LRRTM4: variants seen among roughly 807,000 people sequenced by gnomAD.
The protein encoded by LRRTM4 is leucine-rich repeat transmembrane neuronal protein 4.
Under a neutral mutation model 47.6 loss-of-function variants are expected in LRRTM4, and 25 were observed. The ratio of observed to expected loss-of-function variants is 0.53; its 90% confidence interval spans 0.38 to 0.73. The LOEUF (loss-of-function observed/expected upper bound fraction) is 0.73, where lower values mean the gene tolerates loss of function less well. Among genes scored for constraint, LRRTM4 ranks in the 30% least tolerant of loss-of-function variants. LRRTM4 has a pLI of 0.00. For synonymous variants in LRRTM4, 311 were observed against 269.5 expected, an observed-to-expected ratio of 1.15 and a Z score of -1.51; for missense variants, 638 against 713.4, an observed-to-expected ratio of 0.89 and a Z score of 1.20.
At chr2:76,976,936 A>C (rs1676436314) in intron 3 of LRRTM4, among the ~76,000 whole-genome samples, 1 of 151,818 alleles carries the variant, frequency 6.6e-6, no homozygotes, top group Non-Finnish European at 1.5e-5. Flanking sequence ...ATGTGTCGAA[A>C]TATCACTCTA....
At chr2:76,856,149 C>T (rs914644251) in intron 3 of LRRTM4, among the ~76,000 whole-genome samples, 8 of 152,110 alleles carry the variant, frequency 5.3e-5, no homozygotes, top group Admixed American at 2.0e-4. Flanking sequence ...TCGTGGCTGA[C>T]GCCTGTTACC....
intron 3 of LRRTM4, among the ~76,000 whole-genome samples, chr2:77,253,141 T>A (rs1330938091): frequency 1.3e-5 from 2 of 152,116 alleles, no homozygotes. Context: ...CCTAATACAT[T>A]GGCCTTAATA....
chr2:76,750,383 G>A (rs1414587626), intron 3 of LRRTM4, among the ~76,000 whole-genome samples: 1 of 152,128 alleles, frequency 6.6e-6, no homozygotes, highest in East Asian at 1.9e-4. Flanking sequence ...AAGTTGTAGG[G>A]GTGGTAGCTA....
chr2:76,851,673 G>A (rs906186231), intron 3 of LRRTM4, among the ~76,000 whole-genome samples: 5 of 150,898 alleles, frequency 3.3e-5, no homozygotes, highest in African/African-American at 9.7e-5. Context: ...CAGAGTGGGA[G>A]TAGATGATCT....
intron 3 of LRRTM4, among the ~76,000 whole-genome samples, chr2:76,806,985 A>G (rs962796006): frequency 3.3e-5 from 5 of 152,180 alleles, no homozygotes; most frequent in Non-Finnish European, 7.4e-5. Context: ...AAAATTAATG[A>G]GACATCAACA....
intron 3 of LRRTM4, among the ~76,000 whole-genome samples, chr2:77,382,921 C>T (rs537780421): frequency 1.3e-4 from 20 of 152,170 alleles, no homozygotes; most frequent in African/African-American, 4.8e-4. Flanking sequence ...AAAAAACTAA[C>T]TTGAGTGGAG....
chr2:76,847,189 T>G (rs1671860693), intron 3 of LRRTM4, among the ~76,000 whole-genome samples: 1 of 152,120 alleles, frequency 6.6e-6, no homozygotes, highest in Non-Finnish European at 1.5e-5. Flanking sequence ...ATTATATCTT[T>G]TGGTCATTCA....
chr2:76,835,957 C>T (rs542822111), intron 3 of LRRTM4, among the ~76,000 whole-genome samples: 5 of 151,970 alleles, frequency 3.3e-5, no homozygotes, highest in African/African-American at 9.7e-5. Context: ...TCTTGAATTT[C>T]TAAATGATAG....
chr2:76,888,235 G>C lies in LRRTM4; in HGVS notation c.1552-139319C>G, dbSNP rs1355849105. On this transcript the variant is annotated intron_variant, in intron 3 of 3. Transcript: ENST00000409884. ...GAATAACAATGAAATGTAGAAAATA[G>C]CCCTGAAGTTCAATAACAGGAACTA... Among the ~76,000 whole-genome samples, 5 of 150,996 alleles carry C rather than the reference G, an allele frequency of 3.3e-5. No individual in the cohort carries two copies. The East Asian group carries it at 7.8e-4, about 23-fold the overall frequency.
At chr2:77,231,575 A>AT (rs1674966255) in intron 3 of LRRTM4, among the ~76,000 whole-genome samples, 2 of 152,104 alleles carry the variant, frequency 1.3e-5, no homozygotes, top group Admixed American at 6.5e-5. Flanking sequence ...CATAAAGCTT[A>AT]ACAGTTATTA....
chr2:77,083,547 A>G (rs573581563), intron 3 of LRRTM4, among the ~76,000 whole-genome samples: 1 of 152,264 alleles, frequency 6.6e-6, no homozygotes, highest in Non-Finnish European at 1.5e-5. Flanking sequence ...GCTAGTCCTG[A>G]AAATATTAGA....
chr2:76,877,385 T>C (rs943764919), intron 3 of LRRTM4, among the ~76,000 whole-genome samples: 1 of 152,090 alleles, frequency 6.6e-6, no homozygotes, highest in African/African-American at 2.4e-5. Flanking sequence ...AGATTTTTTT[T>C]TTCAGGAATT....
intron 3 of LRRTM4, among the ~76,000 whole-genome samples, chr2:77,457,251 C>CA (rs1401267216): frequency 6.6e-6 from 1 of 151,778 alleles, no homozygotes; most frequent in Non-Finnish European, 1.5e-5. Context: ...CCTCTCACTA[C>CA]AAAATCTGTT....
intron 3 of LRRTM4, among the ~76,000 whole-genome samples, chr2:77,188,095 C>A (rs1256877303): frequency 6.6e-6 from 1 of 152,106 alleles, no homozygotes; most frequent in Admixed American, 6.6e-5. Context: ...TGTTTACTCC[C>A]TGTAACTTTA....
At chr2:77,245,624 T>A (rs531507207) in intron 3 of LRRTM4, among the ~76,000 whole-genome samples, 1 of 31,904 alleles carries the variant, frequency 3.1e-5, no homozygotes, top group South Asian at 6.5e-4. Context: ...CTTTAAACAC[T>A]TTTTTTTTGT....
At chr2:77,398,959 T>C (rs1673824431) in intron 3 of LRRTM4, among the ~76,000 whole-genome samples, 1 of 151,726 alleles carries the variant, frequency 6.6e-6, no homozygotes, top group Non-Finnish European at 1.5e-5. Context: ...AGGGGGAAGG[T>C]AGATACTAAT....
intron 3 of LRRTM4, among the ~76,000 whole-genome samples, chr2:76,997,323 T>C (rs1017262126): frequency 6.7e-6 from 1 of 148,910 alleles, no homozygotes; most frequent in Non-Finnish European, 1.5e-5. Flanking sequence ...TATGTTGGTG[T>C]ACCTACCAGT....
At chr2:77,485,969 G>A (rs909353554) in intron 3 of LRRTM4, among the ~76,000 whole-genome samples, 1 of 151,756 alleles carries the variant, frequency 6.6e-6, no homozygotes, top group Non-Finnish European at 1.5e-5. Flanking sequence ...CAACTCCTGT[G>A]CTCAAGCTAT....
At chr2:77,031,799 T>G (rs1293555776) in intron 3 of LRRTM4, among the ~76,000 whole-genome samples, 1 of 152,130 alleles carries the variant, frequency 6.6e-6, no homozygotes, top group Non-Finnish European at 1.5e-5. Flanking sequence ...TAAATTAATA[T>G]AGTGAATTAT....
Sources: allele counts gnomAD v4.1 joint callset (sites outside exome capture counted in the v4.1 genomes callset), GRCh38; gene constraint gnomAD v4.1.1; transcripts MANE v1.5; gene names NCBI Gene and HGNC (gene_info 2026-07-23, HGNC 2026-07-21).